ARK2C: variants seen among roughly 807,000 people sequenced by gnomAD.
The protein encoded by ARK2C is arkadia (RNF111) C-terminal like ring finger ubiquitin ligase 2C.
chr18:46,427,292 G>A, the ARK2C span, among the ~76,000 whole-genome samples: 2 of 152,230 alleles, frequency 1.3e-5, no homozygotes, highest in African/African-American at 4.8e-5. Flanking sequence ...GAAGGCATCT[G>A]CTTTCACTTC....
chr18:46,380,159 C>T, the ARK2C span, among the ~76,000 whole-genome samples: 2 of 152,202 alleles, frequency 1.3e-5, no homozygotes, highest in Non-Finnish European at 2.9e-5. Flanking sequence ...CGTGTCTCTG[C>T]CTTGGTTTCC....
chr18:46,421,780 AG>A, the ARK2C span, among the ~76,000 whole-genome samples: 1 of 152,180 alleles, frequency 6.6e-6, no homozygotes, highest in South Asian at 2.1e-4. Flanking sequence ...ATGGGCAAGT[AG>A]GGTTCCTTAG....
chr18:46,337,236 G>T, the ARK2C span: 1 of 985,154 alleles, frequency 1.0e-6, no homozygotes, highest in Non-Finnish European at 1.2e-6. Context: ...GAAAAGAAAA[G>T]AAAAAAGAAT....
chr18:46,337,076 C>G, the ARK2C span: 3 of 985,270 alleles, frequency 3.0e-6, no homozygotes, highest in East Asian at 2.3e-4. Context: ...CTCCCTTCTG[C>G]TGCTCGCCAG....
chr18:46,362,179 T>G, the ARK2C span, among the ~76,000 whole-genome samples: 7 of 152,168 alleles, frequency 4.6e-5, no homozygotes, highest in Non-Finnish European at 8.8e-5. Context: ...CGCTGTCCCC[T>G]CCAAGGTCAA....
At chr18:46,347,475 C>T in the ARK2C span, among the ~76,000 whole-genome samples, 17 of 152,132 alleles carry the variant, frequency 1.1e-4, no homozygotes, top group African/African-American at 3.9e-4. Context: ...GTGGAGGGGT[C>T]GCTGCTCGAG....
chr18:46,381,463 G>T, the ARK2C span, among the ~76,000 whole-genome samples: 88 of 152,284 alleles, frequency 5.8e-4, no homozygotes, highest in Admixed American at 1.7e-3. Context: ...AGGGACATCC[G>T]TTGAGTCCCT....
the ARK2C span, chr18:46,456,391 T>C: frequency 1.4e-6 from 1 of 725,184 alleles, no homozygotes; most frequent in Non-Finnish European, 2.4e-6. Flanking sequence ...GGCTTCATGG[T>C]TTCCCATCTC....
the ARK2C span, among the ~76,000 whole-genome samples, chr18:46,427,153 G>A: frequency 6.6e-6 from 1 of 152,248 alleles, no homozygotes; most frequent in African/African-American, 2.4e-5. Flanking sequence ...TCTGGGGATG[G>A]AGATGGTGGA....
the ARK2C span, among the ~76,000 whole-genome samples, chr18:46,357,223 C>G: frequency 6.6e-6 from 1 of 152,222 alleles, no homozygotes; most frequent in Admixed American, 6.5e-5. Flanking sequence ...CCCACCTCAC[C>G]CTTGCTACCC....
At chr18:46,340,263 A>T in the ARK2C span, among the ~76,000 whole-genome samples, 35 of 152,342 alleles carry the variant, frequency 2.3e-4, no homozygotes, top group African/African-American at 8.2e-4. Context: ...GGGAGGGCTT[A>T]TCTTGGAACG....
the ARK2C span, among the ~76,000 whole-genome samples, chr18:46,374,751 C>G: frequency 2.0e-5 from 3 of 152,300 alleles, no homozygotes; most frequent in African/African-American, 7.2e-5. Context: ...ACAAAAGCAG[C>G]AAGGCTCTGG....
chr18:46,435,626 G>A, the ARK2C span, among the ~76,000 whole-genome samples: 2 of 152,166 alleles, frequency 1.3e-5, no homozygotes, highest in East Asian at 3.9e-4. Context: ...TATGCCCATC[G>A]TAGGACACAG....
the ARK2C span, chr18:46,334,314 T>C: frequency 6.3e-7 from 1 of 1,585,404 alleles, no homozygotes; most frequent in South Asian, 1.1e-5. The surrounding 1 kb of genome is among the most constrained non-coding windows in gnomAD (Gnocchi z 4.4). Context: ...GCTTCCAGTG[T>C]TTGGCTCTGT....
chr18:46,379,526 C>T, the ARK2C span, among the ~76,000 whole-genome samples: 41 of 152,256 alleles, frequency 2.7e-4, no homozygotes, highest in South Asian at 4.1e-4. Flanking sequence ...TAACGGCTTC[C>T]GGGCCTGGCC....
chr18:46,394,114 G>A, the ARK2C span, among the ~76,000 whole-genome samples: 1 of 152,210 alleles, frequency 6.6e-6, no homozygotes, highest in Non-Finnish European at 1.5e-5. Context: ...TCCCTCAAGA[G>A]CCTTTTCACT....
At chr18:46,439,871 G>A in the ARK2C span, among the ~76,000 whole-genome samples, 3 of 151,796 alleles carry the variant, frequency 2.0e-5, no homozygotes, top group East Asian at 1.9e-4. Context: ...TCGCTCTGTC[G>A]CCAGGCTGGA....
At chr18:46,396,406 A>G in the ARK2C span, among the ~76,000 whole-genome samples, 1 of 152,196 alleles carries the variant, frequency 6.6e-6, no homozygotes, top group Admixed American at 6.5e-5. Flanking sequence ...AGGCTCTTGC[A>G]GAGACATTCT....
At chr18:46,344,929 C>T in the ARK2C span, among the ~76,000 whole-genome samples, 1 of 152,200 alleles carries the variant, frequency 6.6e-6, no homozygotes, top group Non-Finnish European at 1.5e-5. Context: ...TGGGCTGTGG[C>T]CCAGGCCTCC....
Sources: allele counts gnomAD v4.1 joint callset (sites outside exome capture counted in the v4.1 genomes callset), GRCh38; gene constraint gnomAD v4.1.1; non-coding constraint Gnocchi (gnomAD v3.1); transcripts MANE v1.5; gene names NCBI Gene and HGNC (gene_info 2026-07-23, HGNC 2026-07-21).